Variants in NEMP2 observed in about 807,000 individuals in gnomAD.
NEMP2 encodes the protein UPF0571 transmembrane protein.
In NEMP2, 53 loss-of-function variants were observed where a neutral mutation model predicts 54.2. The observed-to-expected ratio is 0.98, with a 90% CI of 0.78 to 1.23. The LOEUF is 1.23. Ranked by LOEUF, NEMP2 falls within the 50% of genes most tolerant of loss-of-function variation. NEMP2 has a pLI of 0.00. For missense variants in NEMP2, 455 were observed against 511.3 expected, an observed-to-expected ratio of 0.89 and a Z score of 1.06; for synonymous variants, 197 against 190.3, an observed-to-expected ratio of 1.04 and a Z score of -0.29.
At position 190,510,370 on chromosome 2, in the gene NEMP2, G is replaced by A; in HGVS notation, c.1121C>T (p.Thr374Ile). 1.9e-6 allele frequency: 3 copies of A among 1,551,742 alleles called. No individual in the cohort carries two copies. The highest frequency in any genetic ancestry group is 2.6e-6 in the Non-Finnish European group (3 of 1,147,010). ...GCAGAGCGGGACTTACTTGCTAGGA[G>A]TGTGGAGTCTGGAGACGACCAGCCA... ...PSWLVVSRLH[T>I]PSKFADFVLG... Residue 374 changes from threonine (T) to isoleucine (I), a missense_variant, in exon 8 of 9, where the codon ACT (threonine) becomes ATT (isoleucine). Physicochemically the swap from Thr to Ile is moderately conservative, Grantham distance 89. This residue lies in a region of NEMP2 where 294 missense variants were observed against 333.6 expected (regional missense o/e 0.88). Coordinates refer to ENST00000409150, the MANE Select transcript of NEMP2 (RefSeq NM_001142645.2). This position sits in a 1 kb window ranked among gnomAD's most constrained non-coding sequence, Gnocchi z 5.7.
chr2:190,613,642 C>T, the NEMP2 span, among the ~76,000 whole-genome samples: 2 of 152,172 alleles, frequency 1.3e-5, no homozygotes, highest in Middle Eastern at 3.4e-3. Context: ...GGCTGGAGTG[C>T]AAGTGGCAAG....
At chr2:190,444,157 CTG>C in the NEMP2 span, among the ~76,000 whole-genome samples, 4 of 152,142 alleles carry the variant, frequency 2.6e-5, no homozygotes, top group Admixed American at 6.6e-5. Context: ...TGTAAAAAAA[CTG>C]TTGATTTGAT....
At chr2:190,456,849 A>T in the NEMP2 span, among the ~76,000 whole-genome samples, 4 of 152,250 alleles carry the variant, frequency 2.6e-5, no homozygotes, top group Admixed American at 6.5e-5. This position sits in a 1 kb window ranked among gnomAD's most constrained non-coding sequence, Gnocchi z 5.4. Flanking sequence ...CATAACACAG[A>T]ATTTTGCTTC....
the NEMP2 span, chr2:190,463,758 T>C: frequency 8.7e-6 from 4 of 462,366 alleles, no homozygotes; most frequent in Non-Finnish European, 1.1e-5. The surrounding 1 kb of genome is among the most constrained non-coding windows in gnomAD (Gnocchi z 4.4). Context: ...TGGTCAAGGC[T>C]GCATTGAGCT....
the NEMP2 span, among the ~76,000 whole-genome samples, chr2:190,624,373 A>G: frequency 3.3e-5 from 5 of 152,194 alleles, no homozygotes; most frequent in Admixed American, 6.5e-5. Flanking sequence ...AGTCACTATA[A>G]AACAGTATAG....
chr2:190,582,440 C>T, the NEMP2 span, among the ~76,000 whole-genome samples: 1 of 152,174 alleles, frequency 6.6e-6, no homozygotes, highest in Non-Finnish European at 1.5e-5. The surrounding 1 kb of genome is among the most constrained non-coding windows in gnomAD (Gnocchi z 4.6). Flanking sequence ...TTTACATATA[C>T]ACCATTATTT....
the NEMP2 span, among the ~76,000 whole-genome samples, chr2:190,576,208 C>T: frequency 6.6e-6 from 1 of 152,108 alleles, no homozygotes; most frequent in Non-Finnish European, 1.5e-5. Flanking sequence ...TGGTCTCAAG[C>T]AATCCTTCTG....
the NEMP2 span, among the ~76,000 whole-genome samples, chr2:190,425,383 T>C: frequency 6.6e-6 from 1 of 152,212 alleles, no homozygotes; most frequent in South Asian, 2.1e-4. The surrounding 1 kb of genome is among the most constrained non-coding windows in gnomAD (Gnocchi z 4.3). Context: ...ATAAGAATGA[T>C]GAGAACAGAC....
the NEMP2 span, among the ~76,000 whole-genome samples, chr2:190,431,432 C>T: frequency 4.6e-5 from 7 of 152,238 alleles, no homozygotes; most frequent in African/African-American, 1.4e-4. This position sits in a 1 kb window ranked among gnomAD's most constrained non-coding sequence, Gnocchi z 4.4. Context: ...ACTGAGTGAA[C>T]GAGACTCCGT....
chr2:190,647,823 T>C, the NEMP2 span, among the ~76,000 whole-genome samples: 3 of 150,334 alleles, frequency 2.0e-5, no homozygotes, highest in African/African-American at 7.3e-5. Flanking sequence ...CAAGCTATTC[T>C]CCCGCCTCAG....
Position 190,525,244 on chromosome 2 carries a change from G to C in NEMP2, c.213+19C>G, listed in dbSNP as rs745707627. ...GTAATTCTCTGTCCCTAAGACATGAGTTAAAAGTAGGCCCTTACCTGCATA... is the reference window on the plus strand; with the variant it reads ...GTAATTCTCTGTCCCTAAGACATGACTTAAAAGTAGGCCCTTACCTGCATA... On this transcript the variant is annotated intron_variant, in intron 2 of 8. Transcript: ENST00000409150. This position sits in a 1 kb window ranked among gnomAD's most constrained non-coding sequence, Gnocchi z 5.0. 19 of 1,353,784 alleles carry C rather than the reference G, an allele frequency of 1.4e-5. No homozygotes were observed. The African/African-American group carries it at 2.3e-4, about 17-fold the overall frequency. 83.9% of individuals were successfully genotyped at this position (1,353,784 alleles called of 1,614,324 possible).
At chr2:190,499,735 G>T, downstream of NEMP2, 1 of 1,276,700 alleles carries the variant, frequency 7.8e-7, no homozygotes. This position sits in a 1 kb window ranked among gnomAD's most constrained non-coding sequence, Gnocchi z 6.0. Flanking sequence ...GATGTAAACT[G>T]TTTACCAAGT....
At chr2:190,437,208 C>A in the NEMP2 span, 2 of 1,614,246 alleles carry the variant, frequency 1.2e-6, no homozygotes, top group African/African-American at 1.3e-5. The surrounding 1 kb of genome is among the most constrained non-coding windows in gnomAD (Gnocchi z 5.9). Context: ...GGTTCCGCTA[C>A]AACCATTTCA....
chr2:190,436,042 A>G, the NEMP2 span: 1 of 1,609,726 alleles, frequency 6.2e-7, no homozygotes, highest in South Asian at 1.1e-5. This position sits in a 1 kb window ranked among gnomAD's most constrained non-coding sequence, Gnocchi z 5.3. Flanking sequence ...GGCAGATGAT[A>G]AAGTTGCTAT....
At position 190,524,648 on chromosome 2, in the gene NEMP2, C is replaced by G. The variant is rs147755268; in HGVS notation, c.213+615G>C. Among the ~76,000 whole-genome samples, 572 of 152,250 alleles carry G rather than the reference C, an allele frequency of 3.8e-3. 1 individual carries two copies. The highest frequency in any genetic ancestry group is 5.9e-3 in the Non-Finnish European group (400 of 68,012). ...CACTTCTCTCATCCCACTGATATTA[C>G]TCTACATTTTCTTTTTTCATAGTAC... On this transcript the variant is annotated intron_variant, in intron 2 of 8. Transcript: ENST00000409150.
the NEMP2 span, among the ~76,000 whole-genome samples, chr2:190,447,904 C>G: frequency 3.3e-5 from 5 of 152,130 alleles, no homozygotes; most frequent in African/African-American, 1.2e-4. The surrounding 1 kb of genome is among the most constrained non-coding windows in gnomAD (Gnocchi z 4.5). Context: ...AATATAGCTA[C>G]CAGGCTGACT....
chr2:190,633,041 C>A, the NEMP2 span, among the ~76,000 whole-genome samples: 2 of 152,110 alleles, frequency 1.3e-5, no homozygotes, highest in Non-Finnish European at 2.9e-5. Flanking sequence ...ATTTCCTTGT[C>A]CTGCAATGCC....
rs1189325560 is a variant in NEMP2 at position 190,519,454 on chromosome 2, C to G, written c.214-271G>C. Among the ~76,000 whole-genome samples the G allele has an allele frequency of 6.6e-6, 1 of 152,204 alleles. No individual in the cohort carries two copies. The highest frequency in any genetic ancestry group is 1.5e-5 in the Non-Finnish European group (1 of 68,046). The stretch of plus-strand genomic sequence containing the variant: ...CAGGCTGGTCTCGAACTCCTGGGCT[C>G]AAGCTGTTTGCCTGCTTCAGCCTCC... On this transcript the variant is annotated intron_variant, in intron 2 of 8. Coordinates refer to ENST00000409150, the MANE Select transcript of NEMP2 (RefSeq NM_001142645.2). This position sits in a 1 kb window ranked among gnomAD's most constrained non-coding sequence, Gnocchi z 5.4.
rs539167711 is a variant in NEMP2 at position 190,512,981 on chromosome 2, C to T, written c.953+1472G>A. Among the ~76,000 whole-genome samples the T allele has an allele frequency of 1.1e-4, 16 of 152,266 alleles. No homozygotes were observed. Among genetic ancestry groups the T allele is most frequent in the African/African-American group, 3.6e-4 (15 of 41,554 alleles). ...GTGTCCTTCCTCACAGCCAATTTTA[C>T]CTCTTGAACATTTATTCACTCCCTC... is the stretch of plus-strand genomic sequence containing the variant. On this transcript the variant is annotated intron_variant, in intron 7 of 8. Transcript: ENST00000409150. The surrounding 1 kb of genome is among the most constrained non-coding windows in gnomAD (Gnocchi z 4.5).
Sources: allele counts gnomAD v4.1 joint callset (sites outside exome capture counted in the v4.1 genomes callset), GRCh38; gene constraint gnomAD v4.1.1; regional missense constraint gnomAD v4.1.1; non-coding constraint Gnocchi (gnomAD v3.1); transcripts MANE v1.5; gene names NCBI Gene and HGNC (gene_info 2026-07-23, HGNC 2026-07-21).